The following NELL2 variants were observed in gnomAD, a reference collection of about 807,000 sequenced individuals.
NELL2 encodes the protein neural EGFL like 2.
A neutral mutation model predicts 109.6 loss-of-function variants in NELL2; 41 were observed. That is an observed-to-expected ratio of 0.37 (90% CI 0.29 to 0.49). NELL2 has a LOEUF of 0.49. Among genes scored for constraint, NELL2 ranks in the 20% least tolerant of loss-of-function variants. The pLI is 0.98. For missense variants in NELL2, 900 were observed against 1,008.3 expected (o/e 0.89, Z 1.45); for synonymous variants, 355 against 344.7 (o/e 1.03, Z -0.33).
At chr12:44,687,109 G>C (rs1247861689) in intron 12 of NELL2, among the ~76,000 whole-genome samples, 1 of 152,180 alleles carries the variant, frequency 6.6e-6, no homozygotes, top group African/African-American at 2.4e-5. Flanking sequence ...ATCTCCTGGT[G>C]CACCATTTTT....
chr12:44,687,295 G>A (rs538949553), intron 12 of NELL2, among the ~76,000 whole-genome samples: 3 of 152,184 alleles, frequency 2.0e-5, no homozygotes, highest in South Asian at 2.1e-4. Flanking sequence ...ACTGACCTGC[G>A]CCCACTGTCT....
chr12:44,821,813 G>T (rs7312377), intron 2 of NELL2, among the ~76,000 whole-genome samples: 3 of 151,760 alleles, frequency 2.0e-5, no homozygotes, highest in Admixed American at 2.0e-4. Context: ...CGCCTCCCAG[G>T]TTCAACTGAT....
chr12:44,792,542 C>A (rs188981250), intron 3 of NELL2, among the ~76,000 whole-genome samples: 200 of 152,116 alleles, frequency 1.3e-3, no homozygotes, highest in African/African-American at 4.6e-3. Flanking sequence ...GGAAAAGACA[C>A]CATAAATAAA....
At chr12:44,654,360 G>A (rs1947414433) in intron 13 of NELL2, among the ~76,000 whole-genome samples, 1 of 152,098 alleles carries the variant, frequency 6.6e-6, no homozygotes, top group Non-Finnish European at 1.5e-5. Context: ...ACCTGATACA[G>A]TTTATCTGTA....
intron 3 of NELL2, among the ~76,000 whole-genome samples, chr12:44,800,195 G>A (rs1322121731): frequency 6.6e-6 from 1 of 151,996 alleles, no homozygotes; most frequent in Non-Finnish European, 1.5e-5. Flanking sequence ...TTTTAGTTCT[G>A]AATTTGGATA....
At chr12:44,844,481 A>C (rs918153961) in intron 2 of NELL2, among the ~76,000 whole-genome samples, 1 of 152,230 alleles carries the variant, frequency 6.6e-6, no homozygotes, top group East Asian at 1.9e-4. Context: ...AAAGCACTAC[A>C]ACATAGAAAA....
At chr12:44,903,722 G>C (rs1438813594) in intron 1 of NELL2, among the ~76,000 whole-genome samples, 1 of 152,104 alleles carries the variant, frequency 6.6e-6, no homozygotes, top group African/African-American at 2.4e-5. Flanking sequence ...AAAAGAACGA[G>C]TTCATGTCCT....
rs527467665 is a variant in NELL2 at position 44,522,544 on chromosome 12, T to C, written c.1999-368A>G. 2.0e-3 allele frequency among the ~76,000 whole-genome samples: 300 copies of C among 152,186 alleles called. 1 individual carries two copies. The highest frequency in any genetic ancestry group is 3.6e-3 in the Non-Finnish European group (247 of 68,030). On this transcript the variant is annotated intron_variant, in intron 17 of 19. Transcript: ENST00000429094. ...CTAAATTTTGTTTTGTTTGAGGACATGTGTTTTAATATTTCATAGTTAATA... is the reference window on the plus strand; with the variant it reads ...CTAAATTTTGTTTTGTTTGAGGACACGTGTTTTAATATTTCATAGTTAATA...
chr12:44,703,083 A>G (rs1937647504), intron 12 of NELL2, among the ~76,000 whole-genome samples: 1 of 152,230 alleles, frequency 6.6e-6, no homozygotes, highest in African/African-American at 2.4e-5. Context: ...TCCATACCTC[A>G]GGGAAATCAT....
intron 18 of NELL2, among the ~76,000 whole-genome samples, chr12:44,520,477 CA>C (rs1478795201): frequency 6.6e-6 from 1 of 152,060 alleles, no homozygotes; most frequent in Admixed American, 6.5e-5. Flanking sequence ...ACCAATAAAA[CA>C]AAAGCAAAAA....
chr12:44,876,447 G>C (rs537645721), upstream of NELL2: 3 of 1,287,308 alleles, frequency 2.3e-6, no homozygotes, highest in South Asian at 2.7e-5. Context: ...TCTCCCGCAC[G>C]GTCTCCTGGA....
At chr12:44,918,597 A>G (rs1166498181), upstream of NELL2, among the ~76,000 whole-genome samples, 1 of 150,740 alleles carries the variant, frequency 6.6e-6, no homozygotes, top group Non-Finnish European at 1.5e-5. Flanking sequence ...AAAACCTAAG[A>G]ACCTTAATTT....
chr12:44,765,734 T>G (rs1941302959), intron 9 of NELL2, among the ~76,000 whole-genome samples: 1 of 152,178 alleles, frequency 6.6e-6, no homozygotes, highest in Non-Finnish European at 1.5e-5. Flanking sequence ...CATGTGGTAT[T>G]TTTTTATAGT....
chr12:44,912,721 C>T (rs777211516), intron 1 of NELL2, among the ~76,000 whole-genome samples: 6 of 152,108 alleles, frequency 3.9e-5, no homozygotes, highest in African/African-American at 4.8e-5. Flanking sequence ...CTTATAAATT[C>T]GAATTGTTTA....
intron 12 of NELL2, among the ~76,000 whole-genome samples, chr12:44,683,466 A>G (rs902178197): frequency 7.9e-5 from 12 of 151,634 alleles, no homozygotes; most frequent in African/African-American, 2.9e-4. Flanking sequence ...GTTGAATAGG[A>G]GTGGTGAGAG....
At chr12:44,746,002 C>A (rs953562272) in intron 9 of NELL2, among the ~76,000 whole-genome samples, 4 of 152,062 alleles carry the variant, frequency 2.6e-5, no homozygotes, top group African/African-American at 9.7e-5. Context: ...CAATCCTAAG[C>A]CAAAAGAACA....
chr12:44,589,543 G>A (rs1944667128), intron 15 of NELL2, among the ~76,000 whole-genome samples: 1 of 152,028 alleles, frequency 6.6e-6, no homozygotes, highest in Non-Finnish European at 1.5e-5. Flanking sequence ...ACCACCTCCA[G>A]CTAATTTTTG....
At position 44,791,183 on chromosome 12, in the gene NELL2, CATATATAT is replaced by C. The variant is rs748283455; in HGVS notation, c.336-11169_336-11162del. On this transcript the variant is annotated intron_variant, in intron 3 of 19. Coordinates refer to ENST00000429094, the MANE Select transcript of NELL2 (RefSeq NM_001145108.2). Reference sequence around the variant, plus strand: ...CACACACACATATATAGTATTCCATCATATATATATATATATATATATATATATATATA... The same window carrying C: ...CACACACACATATATAGTATTCCATCATATATATATATATATATATATATA... Among the ~76,000 whole-genome samples the C allele has an allele frequency of 8.7e-3, 131 of 15,082 alleles. 2 individuals are homozygous for C. Among genetic ancestry groups the C allele is most frequent in the Middle Eastern group, 0.042 (1 of 24 alleles). The allele number at this position is 15,082 out of a possible 152,430, so 9.9% of individuals were successfully genotyped here.
rs1937980792 is a variant in NELL2, at chr12:44,708,034, T to C, written c.1189+3258A>G. On this transcript the variant is annotated intron_variant, in intron 11 of 19. Coordinates refer to ENST00000429094, the MANE Select transcript of NELL2 (RefSeq NM_001145108.2). Reference sequence around the variant, plus strand: ...ATCTAGTCAATAAGCCTTAATGATCTTGCAGGCAGACAAAGTGGTTGCCAA... The same window carrying C: ...ATCTAGTCAATAAGCCTTAATGATCCTGCAGGCAGACAAAGTGGTTGCCAA... Among the ~76,000 whole-genome samples the C allele has an allele frequency of 2.0e-5, 3 of 152,108 alleles. No homozygotes were observed. The South Asian group carries it at 6.2e-4, about 32-fold the overall frequency.
Sources: gnomAD v4.1 joint callset for allele counts (sites outside exome capture counted in the v4.1 genomes callset) on GRCh38, gnomAD v4.1.1 for gene constraint, MANE v1.5 for transcripts, NCBI Gene and HGNC (gene_info 2026-07-23, HGNC 2026-07-21) for gene names.